Variants in ADGRL2 observed in about 807,000 individuals in gnomAD.
ADGRL2 encodes the protein calcium-independent alpha-latrotoxin receptor 2.
A neutral mutation model predicts 157.4 loss-of-function variants in ADGRL2; 44 were observed. That is an observed-to-expected ratio of 0.28 (90% CI 0.22 to 0.36). ADGRL2 has a LOEUF of 0.36. Among genes scored for constraint, ADGRL2 ranks in the 10% least tolerant of loss-of-function variants. ADGRL2 has a pLI of 1.00. For synonymous variants in ADGRL2, 585 were observed against 624.7 expected (o/e 0.94, Z 0.95); for missense variants, 1,510 against 1,768.9 (o/e 0.85, Z 2.63).
At chr1:81,344,582 C>T (rs1176974945) in intron 1 of ADGRL2, among the ~76,000 whole-genome samples, 3 of 144,878 alleles carry the variant, frequency 2.1e-5, no homozygotes, top group Non-Finnish European at 4.5e-5. Context: ...AGGAGAATCA[C>T]TTGAACCCGG....
intron 1 of ADGRL2, among the ~76,000 whole-genome samples, chr1:81,307,885 G>T (rs1225845494): frequency 6.6e-6 from 1 of 151,992 alleles, no homozygotes; most frequent in Non-Finnish European, 1.5e-5. Flanking sequence ...ACAGTACAAG[G>T]CATGAAGCCC....
At chr1:81,312,124 G>A (rs886598260) in intron 1 of ADGRL2, among the ~76,000 whole-genome samples, 13 of 152,198 alleles carry the variant, frequency 8.5e-5, no homozygotes, top group African/African-American at 3.1e-4. Flanking sequence ...GTTAAGAGGA[G>A]TTAGGGTCCT....
rs563957003 is a variant in ADGRL2, at chr1:81,990,513, T to C, written c.3778T>C (p.Cys1260Arg). 3.5e-5 allele frequency: 57 copies of C among 1,614,172 alleles called. No individual in the cohort carries two copies. The South Asian group carries it at 5.7e-4, about 16-fold the overall frequency. Reference sequence around the variant, plus strand: ...TAATGACAGCGTGCAAGTTGTGGACTGTGGACTAAGTCTGAATGATACTGC... The same window carrying C: ...TAATGACAGCGTGCAAGTTGTGGACCGTGGACTAAGTCTGAATGATACTGC... Reference protein sequence around the residue: ...DYNDSVQVVDCGLSLNDTAFE... With the variant: ...DYNDSVQVVDRGLSLNDTAFE... Residue 1260 changes from cysteine (C) to arginine (R), a missense_variant, in exon 24 of 24, where the codon TGT becomes CGT. Around this residue, in one of 4 missense-constraint regions of ADGRL2, gnomAD observed 327 missense variants for 310.1 expected, o/e 1.05. Coordinates refer to ENST00000686636, the MANE Select transcript of ADGRL2 (RefSeq NM_001366006.2).
chr1:81,821,154 T>C (rs963164202), intron 1 of ADGRL2, among the ~76,000 whole-genome samples: 13 of 152,132 alleles, frequency 8.5e-5, no homozygotes, highest in Admixed American at 3.9e-4. Context: ...TTAAGGAAAC[T>C]AAAAATATGA....
At chr1:81,412,916 T>G (rs898343944) in intron 1 of ADGRL2, among the ~76,000 whole-genome samples, 19 of 152,342 alleles carry the variant, frequency 1.2e-4, no homozygotes, top group African/African-American at 4.3e-4. Context: ...TTTTTCTACC[T>G]TATCTTTAAT....
intron 2 of ADGRL2, among the ~76,000 whole-genome samples, chr1:81,885,714 GTAGT>G (rs2094113193): frequency 6.6e-6 from 1 of 152,160 alleles, no homozygotes; most frequent in African/African-American, 2.4e-5. Flanking sequence ...CAGAGGCAAA[GTAGT>G]TACTTTGACA....
chr1:81,936,034 G>A (rs1232024378), intron 3 of ADGRL2, among the ~76,000 whole-genome samples: 3 of 151,870 alleles, frequency 2.0e-5, no homozygotes, highest in African/African-American at 7.2e-5. Flanking sequence ...TAATTATATA[G>A]GCACATTGAT....
At chr1:81,385,525 G>T (rs1382833788) in intron 1 of ADGRL2, among the ~76,000 whole-genome samples, 1 of 151,850 alleles carries the variant, frequency 6.6e-6, no homozygotes, top group African/African-American at 2.4e-5. Context: ...AAACCTGAGG[G>T]TAACTTAGGT....
intron 1 of ADGRL2, among the ~76,000 whole-genome samples, chr1:81,340,724 G>A (rs964402155): frequency 1.3e-5 from 2 of 152,100 alleles, no homozygotes; most frequent in African/African-American, 2.4e-5. Flanking sequence ...TTTCTCAGTG[G>A]TGTTTTAGAA....
intron 2 of ADGRL2, among the ~76,000 whole-genome samples, chr1:81,791,066 CAAAAAAAAAAAA>C (rs11411906): frequency 5.3e-5 from 2 of 37,472 alleles, no homozygotes; most frequent in East Asian, 1.3e-3. Context: ...GACCCTATCT[CAAAAAAAAAAAA>C]AAAAAAAAAA....
intron 1 of ADGRL2, among the ~76,000 whole-genome samples, chr1:81,409,145 G>A (rs2076907430): frequency 6.6e-6 from 1 of 152,052 alleles, no homozygotes; most frequent in African/African-American, 2.4e-5. Flanking sequence ...GAATTATCTG[G>A]ATTACAAACC....
chr1:81,961,104 A>G (rs1655214559), intron 11 of ADGRL2, among the ~76,000 whole-genome samples: 3 of 151,608 alleles, frequency 2.0e-5, no homozygotes, highest in Non-Finnish European at 4.4e-5. Context: ...AGATAAATAT[A>G]TTAAAATTCT....
chr1:81,776,479 G>A (rs980751227), intron 2 of ADGRL2, among the ~76,000 whole-genome samples: 9 of 152,142 alleles, frequency 5.9e-5, no homozygotes, highest in Non-Finnish European at 1.3e-4. Flanking sequence ...GAGCCACCAC[G>A]CCTGGCCAGT....
chr1:81,662,252 C>CTTTTTTTTTTT (rs368764970), intron 3 of ADGRL2, among the ~76,000 whole-genome samples: 1 of 127,512 alleles, frequency 7.8e-6, no homozygotes. Flanking sequence ...CTCATTCATT[C>CTTTTTTTTTTT]TTTTTTTTTT....
intron 1 of ADGRL2, among the ~76,000 whole-genome samples, chr1:81,314,724 T>C (rs17452772): frequency 0.23 from 35,440 of 152,046 alleles, 4,500 homozygotes; most frequent in Middle Eastern, 0.37. Flanking sequence ...GAAGTCAACA[T>C]GTTACACATG....
chr1:81,918,650 T>A (rs1467292141), intron 3 of ADGRL2, among the ~76,000 whole-genome samples: 1 of 152,138 alleles, frequency 6.6e-6, no homozygotes, highest in Non-Finnish European at 1.5e-5. Context: ...TGTGGGTGCA[T>A]GTTTTATGCA....
chr1:81,764,645 G>C (rs942868843), intron 2 of ADGRL2, among the ~76,000 whole-genome samples: 1 of 152,114 alleles, frequency 6.6e-6, no homozygotes, highest in African/African-American at 2.4e-5. Flanking sequence ...GAGTTAAAGA[G>C]TATTTTCAGC....
chr1:81,478,930 G>C (rs999972932), intron 2 of ADGRL2, among the ~76,000 whole-genome samples: 1 of 151,416 alleles, frequency 6.6e-6, no homozygotes, highest in African/African-American at 2.4e-5. Context: ...ATAACTCAGG[G>C]TGCTAATATC....
intron 2 of ADGRL2, among the ~76,000 whole-genome samples, chr1:81,537,246 A>G (rs1189397810): frequency 2.6e-5 from 4 of 152,164 alleles, no homozygotes; most frequent in Non-Finnish European, 5.9e-5. Context: ...TAAAGTTATA[A>G]GTTAAAACTT....
Sources: gnomAD v4.1 joint callset for allele counts (sites outside exome capture counted in the v4.1 genomes callset) on GRCh38, gnomAD v4.1.1 for gene constraint, gnomAD v4.1.1 regional missense constraint, MANE v1.5 for transcripts, NCBI Gene and HGNC (gene_info 2026-07-23, HGNC 2026-07-21) for gene names.